RAD51B: variants seen among roughly 807,000 people sequenced by gnomAD.
RAD51B encodes DNA repair protein RAD51 homolog 2.
Under a neutral mutation model 42.2 loss-of-function variants are expected in RAD51B, and 38 were observed. The observed-to-expected ratio is 0.90, with a 90% CI of 0.70 to 1.18. RAD51B has a LOEUF of 1.18. RAD51B is among the 50% of genes most tolerant of loss of function. RAD51B has a pLI of 0.00. For missense variants in RAD51B, 373 were observed against 400.7 expected (o/e 0.93, Z 0.59); for synonymous variants, 154 against 145.2 (o/e 1.06, Z -0.43).
intron 7 of RAD51B, among the ~76,000 whole-genome samples, chr14:67,951,499 C>T (rs1234015551): frequency 6.6e-6 from 1 of 152,080 alleles, no homozygotes; most frequent in Non-Finnish European, 1.5e-5. Flanking sequence ...TATCGTCTTC[C>T]CAGTTTAAAA....
intron 7 of RAD51B, among the ~76,000 whole-genome samples, chr14:68,123,463 A>G (rs2077693291): frequency 1.3e-5 from 2 of 151,974 alleles, no homozygotes; most frequent in South Asian, 4.1e-4. Flanking sequence ...AAGTGTTGAG[A>G]TCGCAGGCAT....
chr14:68,040,544 C>G (rs2076202222), intron 7 of RAD51B, among the ~76,000 whole-genome samples: 1 of 152,122 alleles, frequency 6.6e-6, no homozygotes, highest in Non-Finnish European at 1.5e-5. Flanking sequence ...AATGGTATGT[C>G]TATTTTGCTT....
At chr14:68,359,454 C>T (rs184645273) in intron 8 of RAD51B, among the ~76,000 whole-genome samples, 2 of 151,748 alleles carry the variant, frequency 1.3e-5, no homozygotes, top group African/African-American at 2.4e-5. Flanking sequence ...AGAATGAAAA[C>T]GGGGGCAATC....
At chr14:68,465,786 A>T (rs1011285851) in intron 9 of RAD51B, among the ~76,000 whole-genome samples, 15 of 151,752 alleles carry the variant, frequency 9.9e-5, no homozygotes, top group African/African-American at 2.9e-4. Context: ...CTAAAAATAT[A>T]AAAAATTAGC....
intron 11 of RAD51B, among the ~76,000 whole-genome samples, chr14:68,668,206 C>T (rs770994653): frequency 5.9e-5 from 9 of 152,194 alleles, no homozygotes; most frequent in Admixed American, 1.3e-4. Flanking sequence ...GATACTTCCT[C>T]GAAGCAGCCA....
intron 7 of RAD51B, among the ~76,000 whole-genome samples, chr14:67,934,238 C>G (rs1434708891): frequency 1.1e-4 from 17 of 152,088 alleles, no homozygotes; most frequent in Admixed American, 1.0e-3. Context: ...TTGTGGCCTA[C>G]TTAGCAAAGC....
At chr14:68,015,750 A>G (rs2075769367) in intron 7 of RAD51B, among the ~76,000 whole-genome samples, 1 of 152,220 alleles carries the variant, frequency 6.6e-6, no homozygotes, top group Non-Finnish European at 1.5e-5. Flanking sequence ...AAACCATATC[A>G]GGTGGAGAGT....
chr14:68,256,885 G>T (rs919407959), intron 7 of RAD51B, among the ~76,000 whole-genome samples: 2 of 152,086 alleles, frequency 1.3e-5, no homozygotes, highest in African/African-American at 4.8e-5. Context: ...TCATATAAGG[G>T]ATATTAAAGT....
At chr14:67,929,603 A>G (rs2044651442) in intron 7 of RAD51B, among the ~76,000 whole-genome samples, 1 of 152,206 alleles carries the variant, frequency 6.6e-6, no homozygotes, top group South Asian at 2.1e-4. Context: ...CATTTGGTCT[A>G]AAGTCCCGTT....
chr14:68,457,331 CAAGAG>C (rs1302767598), intron 9 of RAD51B, among the ~76,000 whole-genome samples: 2 of 151,934 alleles, frequency 1.3e-5, no homozygotes, highest in East Asian at 3.9e-4. Context: ...GAATAAATCA[CAAGAG>C]AAATTAGAAA....
chr14:68,107,855 A>C (rs1431878152), intron 7 of RAD51B, among the ~76,000 whole-genome samples: 3 of 151,858 alleles, frequency 2.0e-5, no homozygotes, highest in African/African-American at 7.2e-5. Context: ...AACTCTTAGA[A>C]AGAGGCCATA....
At chr14:68,198,815 T>C (rs565496608) in intron 7 of RAD51B, among the ~76,000 whole-genome samples, 2 of 152,244 alleles carry the variant, frequency 1.3e-5, no homozygotes, top group African/African-American at 2.4e-5. Flanking sequence ...AATGCTGGAA[T>C]GCTCAATTAC....
At chr14:68,227,901 A>G (rs978755271) in intron 7 of RAD51B, among the ~76,000 whole-genome samples, 1 of 152,172 alleles carries the variant, frequency 6.6e-6, no homozygotes, top group Non-Finnish European at 1.5e-5. Context: ...CATTTAACAG[A>G]GCATATTATT....
intron 7 of RAD51B, among the ~76,000 whole-genome samples, chr14:68,119,305 T>TTTTTA (rs752968204): frequency 2.2e-4 from 33 of 150,860 alleles, no homozygotes; most frequent in South Asian, 6.2e-4. Context: ...ATTTATTTAT[T>TTTTTA]TTTTATTTTA....
chr14:67,960,494 C>A (rs1312919399), intron 7 of RAD51B, among the ~76,000 whole-genome samples: 1 of 152,004 alleles, frequency 6.6e-6, no homozygotes, highest in East Asian at 1.9e-4. Context: ...GTTCTAGGAC[C>A]CTGTCCCAAG....
chr14:68,319,780 C>T (rs1180450940), intron 8 of RAD51B, among the ~76,000 whole-genome samples: 1 of 152,174 alleles, frequency 6.6e-6, no homozygotes, highest in Non-Finnish European at 1.5e-5. Flanking sequence ...AAATGTCTAT[C>T]TAGCCTAGAG....
chr14:68,351,477 G>A (rs2082787567), intron 8 of RAD51B, among the ~76,000 whole-genome samples: 1 of 152,110 alleles, frequency 6.6e-6, no homozygotes, highest in South Asian at 2.1e-4. Context: ...TTACAGTCTA[G>A]AGGAGGAACA....
chr14:68,072,052 A>AATT (rs2076749615), intron 7 of RAD51B, among the ~76,000 whole-genome samples: 1 of 116,034 alleles, frequency 8.6e-6, no homozygotes, highest in Non-Finnish European at 1.7e-5. Flanking sequence ...TATATATATA[A>AATT]TTATATATAT....
chr14:67,973,070 G>A (rs1453032236), intron 7 of RAD51B, among the ~76,000 whole-genome samples: 1 of 152,074 alleles, frequency 6.6e-6, no homozygotes, highest in Admixed American at 6.6e-5. Context: ...ACACAGTGAT[G>A]ACAATGTAAT....
Sources: allele counts gnomAD v4.1 joint callset (sites outside exome capture counted in the v4.1 genomes callset), GRCh38; gene constraint gnomAD v4.1.1; transcripts MANE v1.5; gene names NCBI Gene and HGNC (gene_info 2026-07-23, HGNC 2026-07-21).